The following MRPL13 variants were observed in gnomAD, a reference collection of about 807,000 sequenced individuals.
The protein encoded by MRPL13 is mitochondrial ribosomal protein L13.
MRPL13 carries 33 observed loss-of-function variants against 29.0 expected under a neutral mutation model. That is an observed-to-expected ratio of 1.14 (90% CI 0.86 to 1.52). The LOEUF is 1.52. MRPL13 is among the 40% of genes most tolerant of loss of function. The pLI is 0.00. For missense variants in MRPL13, 227 were observed against 216.7 expected, an observed-to-expected ratio of 1.05 and a Z score of -0.30; for synonymous variants, 77 against 68.4, an observed-to-expected ratio of 1.13 and a Z score of -0.62.
intron 3 of MRPL13, among the ~76,000 whole-genome samples, chr8:120,426,028 T>C (rs942202680): frequency 2.6e-5 from 4 of 152,104 alleles, no homozygotes; most frequent in African/African-American, 9.7e-5. Flanking sequence ...CCCAGTGTAA[T>C]ATCAGGCAAC....
chr8:120,433,469 A>G (rs1052527889), intron 2 of MRPL13, among the ~76,000 whole-genome samples: 2 of 152,100 alleles, frequency 1.3e-5, no homozygotes, highest in Non-Finnish European at 2.9e-5. Flanking sequence ...TTAAAACTGA[A>G]TTTATTTTTA....
At chr8:120,400,891 T>C (rs1023820981) in intron 6 of MRPL13, among the ~76,000 whole-genome samples, 1 of 151,866 alleles carries the variant, frequency 6.6e-6, no homozygotes, top group Admixed American at 6.6e-5. Flanking sequence ...ACACATAAAG[T>C]AGAAAATCTG....
intron 3 of MRPL13, among the ~76,000 whole-genome samples, chr8:120,427,168 G>C (rs535427224): frequency 4.8e-4 from 73 of 152,188 alleles, no homozygotes; most frequent in African/African-American, 1.6e-3. Flanking sequence ...AATCTTAATA[G>C]ATAAAACGTC....
chr8:120,429,743 C>T (rs1235161239), intron 3 of MRPL13, among the ~76,000 whole-genome samples: 3 of 152,110 alleles, frequency 2.0e-5, no homozygotes, highest in East Asian at 3.9e-4. Context: ...TCCAGGACCT[C>T]CTGAGCATAC....
intron 6 of MRPL13, among the ~76,000 whole-genome samples, chr8:120,411,501 A>C (rs1586920139): frequency 2.6e-5 from 4 of 152,350 alleles, no homozygotes; most frequent in African/African-American, 4.8e-5. Flanking sequence ...TCACGTAATA[A>C]AGACTAACTG....
chr8:120,403,185 AG>A, intron 6 of MRPL13, among the ~76,000 whole-genome samples: 1 of 152,222 alleles, frequency 6.6e-6, no homozygotes, highest in Non-Finnish European at 1.5e-5. Flanking sequence ...TCTATTATAA[AG>A]ACAAACGCAT....
intron 4 of MRPL13, among the ~76,000 whole-genome samples, chr8:120,421,288 A>C (rs1240922317): frequency 6.6e-6 from 1 of 151,904 alleles, no homozygotes; most frequent in Non-Finnish European, 1.5e-5. Context: ...AGAGAAAAAG[A>C]ACATAAGGAA....
chr8:120,416,646 A>T (rs1340870322), intron 5 of MRPL13, among the ~76,000 whole-genome samples: 1 of 152,206 alleles, frequency 6.6e-6, no homozygotes, highest in African/African-American at 2.4e-5. Context: ...AAAAATTTAA[A>T]TTTACACAAA....
intron 2 of MRPL13, among the ~76,000 whole-genome samples, chr8:120,432,916 C>G (rs938354340): frequency 6.6e-6 from 1 of 151,426 alleles, no homozygotes; most frequent in Non-Finnish European, 1.5e-5. Flanking sequence ...AAAAACAAAC[C>G]AAGATATTCT....
chr8:120,407,729 A>G (rs1182558945), intron 6 of MRPL13, among the ~76,000 whole-genome samples: 3 of 152,150 alleles, frequency 2.0e-5, no homozygotes, highest in African/African-American at 7.2e-5. Context: ...AGAATAATTT[A>G]TTTTTCAAGT....
In MRPL13 at chr8:120,425,254, T is replaced by C. The variant is rs544786216; in HGVS notation, c.306+52A>G. 1.6e-5 allele frequency: 21 copies of C among 1,353,192 alleles called. No individual in the cohort carries two copies. The South Asian group carries it at 2.3e-4, about 15-fold the overall frequency. 83.8% of individuals were successfully genotyped at this position (1,353,192 alleles called of 1,614,324 possible). On this transcript the variant is annotated intron_variant, in intron 4 of 6. Transcript: ENST00000306185. The stretch of plus-strand genomic sequence containing the variant: ...ATGAGAAGGGAGACTGACAAAACAG[T>C]ATCTGAATTGGTCTTTCCAAAGATG...
intron 3 of MRPL13, among the ~76,000 whole-genome samples, chr8:120,427,579 T>A (rs985382535): frequency 6.6e-6 from 1 of 152,068 alleles, no homozygotes; most frequent in South Asian, 2.1e-4. Context: ...CATTCACAAC[T>A]GCCACAAAAA....
At chr8:120,406,665 A>T (rs1374419326) in intron 6 of MRPL13, among the ~76,000 whole-genome samples, 2 of 151,202 alleles carry the variant, frequency 1.3e-5, no homozygotes, top group African/African-American at 2.4e-5. Context: ...ATATAAAAAT[A>T]TATGAAACAC....
chr8:120,397,455 C>A (rs1812537741), intron 6 of MRPL13, among the ~76,000 whole-genome samples: 1 of 152,196 alleles, frequency 6.6e-6, no homozygotes, highest in African/African-American at 2.4e-5. Flanking sequence ...AGGCTGGAGA[C>A]TGCCTGAGAT....
intron 6 of MRPL13, among the ~76,000 whole-genome samples, chr8:120,398,879 T>C (rs766241993): frequency 6.6e-6 from 1 of 151,804 alleles, no homozygotes; most frequent in Non-Finnish European, 1.5e-5. Context: ...AATAGCAGAA[T>C]AGACCAAGTA....
intron 4 of MRPL13, among the ~76,000 whole-genome samples, chr8:120,421,763 CA>C (rs756120655): frequency 6.6e-6 from 1 of 151,740 alleles, no homozygotes; most frequent in Admixed American, 6.6e-5. Context: ...ACAATTTCTA[CA>C]AAAGTTACCT....
chr8:120,431,997 T>A, intron 3 of MRPL13, 33 bp downstream of exon 3: 2 of 1,406,140 alleles, frequency 1.4e-6, no homozygotes, highest in Non-Finnish European at 2.0e-6. Flanking sequence ...ATATTTTAAC[T>A]ACCTAATTTC....
chr8:120,438,415 C>T (rs1424884320), intron 2 of MRPL13, among the ~76,000 whole-genome samples: 1 of 152,308 alleles, frequency 6.6e-6, no homozygotes, highest in Non-Finnish European at 1.5e-5. Flanking sequence ...ACCTAATAGG[C>T]AGCCACAACA....
At chr8:120,413,561 A>G (rs1812766170) in intron 6 of MRPL13, among the ~76,000 whole-genome samples, 1 of 152,212 alleles carries the variant, frequency 6.6e-6, no homozygotes, top group African/African-American at 2.4e-5. Flanking sequence ...TGTACAGAGG[A>G]GAGCAAAAAG....
Sources: gnomAD v4.1 joint callset for allele counts (sites outside exome capture counted in the v4.1 genomes callset) on GRCh38, gnomAD v4.1.1 for gene constraint, MANE v1.5 for transcripts, NCBI Gene and HGNC (gene_info 2026-07-23, HGNC 2026-07-21) for gene names.